QTMAN: variants seen among roughly 807,000 people sequenced by gnomAD.
QTMAN encodes the protein queuosine-tRNA mannosyltransferase, also known as tRNA-queuosine alpha-mannosyltransferase.
chr2:144,315,166 T>C, the QTMAN span, among the ~76,000 whole-genome samples: 6 of 152,212 alleles, frequency 3.9e-5, no homozygotes, highest in African/African-American at 1.4e-4. Context: ...ATTACAGGCA[T>C]GAGCCATCGC....
the QTMAN span, among the ~76,000 whole-genome samples, chr2:144,149,050 G>A: frequency 1.3e-5 from 2 of 151,816 alleles, no homozygotes; most frequent in Non-Finnish European, 2.9e-5. Context: ...AGGAATGCAG[G>A]TGATCCATAG....
chr2:143,997,360 G>T, the QTMAN span, among the ~76,000 whole-genome samples: 1 of 151,994 alleles, frequency 6.6e-6, no homozygotes, highest in Non-Finnish European at 1.5e-5. Context: ...ACTGCTATAC[G>T]GCTTTCTGCA....
the QTMAN span, among the ~76,000 whole-genome samples, chr2:144,123,581 T>A: frequency 6.6e-6 from 1 of 152,176 alleles, no homozygotes; most frequent in Non-Finnish European, 1.5e-5. Flanking sequence ...CTTAGAACTT[T>A]AGATGATTAC....
At chr2:144,196,057 A>G in the QTMAN span, among the ~76,000 whole-genome samples, 1 of 151,982 alleles carries the variant, frequency 6.6e-6, no homozygotes, top group Non-Finnish European at 1.5e-5. Flanking sequence ...AAGTGAGTTC[A>G]TTTTTTCTGT....
At chr2:143,950,027 AAG>A in the QTMAN span, among the ~76,000 whole-genome samples, 1 of 151,780 alleles carries the variant, frequency 6.6e-6, no homozygotes, top group South Asian at 2.1e-4. Context: ...CAATATCACT[AAG>A]CACTATGGAT....
the QTMAN span, among the ~76,000 whole-genome samples, chr2:144,269,451 T>C: frequency 1.3e-5 from 2 of 152,158 alleles, no homozygotes; most frequent in African/African-American, 4.8e-5. Context: ...TTTTTAACTT[T>C]TTTTATTTTT....
chr2:144,240,126 T>G, the QTMAN span, among the ~76,000 whole-genome samples: 1 of 152,360 alleles, frequency 6.6e-6, no homozygotes, highest in Non-Finnish European at 1.5e-5. Flanking sequence ...GCAAGTGTTT[T>G]AAATTGGTAA....
chr2:144,171,660 G>C, the QTMAN span, among the ~76,000 whole-genome samples: 1 of 152,056 alleles, frequency 6.6e-6, no homozygotes, highest in Admixed American at 6.6e-5. Flanking sequence ...TTAACAAACT[G>C]TAAATTATAA....
At chr2:143,968,735 A>G in the QTMAN span, among the ~76,000 whole-genome samples, 2 of 152,262 alleles carry the variant, frequency 1.3e-5, no homozygotes, top group Non-Finnish European at 2.9e-5. Flanking sequence ...TTTGCAAATG[A>G]GCTGATCTTT....
the QTMAN span, among the ~76,000 whole-genome samples, chr2:143,947,512 T>C: frequency 6.6e-6 from 1 of 152,290 alleles, no homozygotes; most frequent in African/African-American, 2.4e-5. Context: ...GTTTCTGCCG[T>C]GAATTTTACT....
chr2:144,250,751 G>C, the QTMAN span, among the ~76,000 whole-genome samples: 1 of 67,080 alleles, frequency 1.5e-5, no homozygotes, highest in African/African-American at 4.4e-5. Context: ...CTTTAAGGCC[G>C]AAAAAAAAAA....
the QTMAN span, among the ~76,000 whole-genome samples, chr2:143,967,096 T>C: frequency 6.6e-6 from 1 of 152,206 alleles, no homozygotes; most frequent in Non-Finnish European, 1.5e-5. Flanking sequence ...GACTTAAGCT[T>C]TCAGAGTCTG....
chr2:144,205,748 T>C, the QTMAN span, among the ~76,000 whole-genome samples: 1 of 152,182 alleles, frequency 6.6e-6, no homozygotes, highest in African/African-American at 2.4e-5. Flanking sequence ...GAATAAAATA[T>C]CCTCGATACC....
the QTMAN span, among the ~76,000 whole-genome samples, chr2:144,036,838 T>C: frequency 6.6e-6 from 1 of 152,198 alleles, no homozygotes; most frequent in Admixed American, 6.5e-5. Context: ...AAAGGTAGTA[T>C]GTTCAATAAA....
the QTMAN span, among the ~76,000 whole-genome samples, chr2:144,133,740 T>C: frequency 6.7e-6 from 1 of 150,176 alleles, no homozygotes; most frequent in East Asian, 2.0e-4. Flanking sequence ...GAATAATCTA[T>C]CAAAAGTTTT....
chr2:144,248,657 T>C, the QTMAN span, among the ~76,000 whole-genome samples: 1 of 152,058 alleles, frequency 6.6e-6, no homozygotes, highest in East Asian at 1.9e-4. Context: ...CCATTCAGTG[T>C]AGGCTGAATG....
chr2:144,051,467 C>T, the QTMAN span, among the ~76,000 whole-genome samples: 16 of 151,970 alleles, frequency 1.1e-4, no homozygotes, highest in Admixed American at 9.8e-4. Flanking sequence ...CTGTAGTGAA[C>T]GATGATCATG....
At chr2:144,005,981 G>A in the QTMAN span, 24 of 152,026 alleles carry the variant, frequency 1.6e-4, no homozygotes, top group African/African-American at 5.8e-4. Context: ...AAAAGAAAAA[G>A]CTTTTCAGAA....
the QTMAN span, among the ~76,000 whole-genome samples, chr2:144,122,006 C>T: frequency 6.6e-6 from 1 of 152,016 alleles, no homozygotes; most frequent in Non-Finnish European, 1.5e-5. Flanking sequence ...TATGTTTATA[C>T]AGTGTTGTAA....
Sources: allele counts gnomAD v4.1 joint callset (sites outside exome capture counted in the v4.1 genomes callset), GRCh38; gene constraint gnomAD v4.1.1; transcripts MANE v1.5; gene names NCBI Gene and HGNC (gene_info 2026-07-23, HGNC 2026-07-21).